Variants in CDH13 observed in about 807,000 individuals in gnomAD.
CDH13 encodes the protein cadherin 13.
In CDH13, 24 loss-of-function variants were observed where a neutral mutation model predicts 63.8. That is an observed-to-expected ratio of 0.38 (90% confidence interval 0.27 to 0.53). CDH13 has a LOEUF of 0.53. CDH13 is among the 20% of genes least tolerant of loss of function. CDH13 has a pLI of 0.85. For missense variants in CDH13, 1,049 were observed against 903.1 expected, an observed-to-expected ratio of 1.16 and a Z score of -2.07; for synonymous variants, 503 against 355.3, an observed-to-expected ratio of 1.42 and a Z score of -4.67.
At chr16:83,551,349 G>C (rs1207141345) in intron 7 of CDH13, among the ~76,000 whole-genome samples, 1 of 141,308 alleles carries the variant, frequency 7.1e-6, no homozygotes, top group Non-Finnish European at 1.6e-5. Flanking sequence ...TTACAGGCAT[G>C]AGTCACCGCC....
intron 5 of CDH13, among the ~76,000 whole-genome samples, chr16:83,288,150 T>G (rs969237173): frequency 1.3e-5 from 2 of 152,178 alleles, no homozygotes; most frequent in Non-Finnish European, 2.9e-5. Flanking sequence ...GTACATATCT[T>G]GATTACTGAG....
intron 1 of CDH13, among the ~76,000 whole-genome samples, chr16:82,682,258 C>G (rs1192229141): frequency 6.6e-6 from 1 of 152,132 alleles, no homozygotes; most frequent in Non-Finnish European, 1.5e-5. Context: ...ATTCCCAGGC[C>G]CCACCCATCA....
At chr16:83,055,612 C>T (rs1022209937) in intron 3 of CDH13, among the ~76,000 whole-genome samples, 10 of 151,908 alleles carry the variant, frequency 6.6e-5, no homozygotes, top group African/African-American at 1.2e-4. Flanking sequence ...AATGAAAACT[C>T]TGTAGCCTAA....
intron 4 of CDH13, among the ~76,000 whole-genome samples, chr16:83,190,676 C>T (rs1250337802): frequency 6.6e-6 from 1 of 152,140 alleles, no homozygotes; most frequent in Non-Finnish European, 1.5e-5. Flanking sequence ...GGAGAAATAG[C>T]CCCAAGTGCT....
chr16:83,412,055 A>G (rs1006165214), intron 6 of CDH13, among the ~76,000 whole-genome samples: 3 of 152,200 alleles, frequency 2.0e-5, no homozygotes, highest in Admixed American at 1.3e-4. Flanking sequence ...AGGCAAGGAG[A>G]GCCACAAGCT....
chr16:82,700,931 GC>G (rs1490363608), intron 1 of CDH13, among the ~76,000 whole-genome samples: 4 of 122,428 alleles, frequency 3.3e-5, no homozygotes, highest in African/African-American at 1.2e-4. Context: ...TGCATTACGT[GC>G]ACCATTGTAA....
intron 1 of CDH13, among the ~76,000 whole-genome samples, chr16:82,666,193 G>T (rs528231777): frequency 1.4e-4 from 21 of 152,272 alleles, no homozygotes; most frequent in African/African-American, 5.1e-4. Context: ...GTTGGGATGT[G>T]TTTATCCTTA....
intron 1 of CDH13, among the ~76,000 whole-genome samples, chr16:82,703,388 G>A (rs575874781): frequency 6.6e-6 from 1 of 152,188 alleles, no homozygotes; most frequent in African/African-American, 2.4e-5. Flanking sequence ...AGCATGGCAG[G>A]CCAGAAGTTC....
rs1009034935 is a variant in CDH13 at position 83,349,096 on chromosome 16, G to A, written c.781+4090G>A. 3.3e-5 allele frequency among the ~76,000 whole-genome samples: 5 copies of A among 152,168 alleles called. No individual in the cohort carries two copies. The East Asian group carries it at 5.8e-4, about 18-fold the overall frequency. On this transcript the variant is annotated intron_variant, in intron 6 of 13. Coordinates refer to ENST00000567109, the MANE Select transcript of CDH13 (RefSeq NM_001257.5). ...TTCCGGCTGCTCAGCACTGAACTCC[G>A]GGGTATTGTTTTGGTGAATCATTCC...
intron 4 of CDH13, among the ~76,000 whole-genome samples, chr16:83,165,821 AC>A (rs1239254771): frequency 6.6e-6 from 1 of 152,024 alleles, no homozygotes; most frequent in African/African-American, 2.4e-5. Context: ...AGGTCACCTT[AC>A]CTCTCCTTTT....
intron 2 of CDH13, among the ~76,000 whole-genome samples, chr16:82,929,962 A>C (rs950086580): frequency 6.6e-6 from 1 of 151,754 alleles, no homozygotes; most frequent in Non-Finnish European, 1.5e-5. Flanking sequence ...TGGCCACCGG[A>C]AGCCCCATGC....
chr16:83,361,461 T>A (rs748758582), intron 6 of CDH13, among the ~76,000 whole-genome samples: 1 of 152,232 alleles, frequency 6.6e-6, no homozygotes, highest in Non-Finnish European at 1.5e-5. Flanking sequence ...ATTTTTGTTT[T>A]CCTTGTGATT....
chr16:83,373,974 T>C (rs902215929), intron 6 of CDH13, among the ~76,000 whole-genome samples: 1 of 152,048 alleles, frequency 6.6e-6, no homozygotes, highest in East Asian at 1.9e-4. Context: ...CACCTTCTGA[T>C]CTCCAAACGC....
intron 1 of CDH13, among the ~76,000 whole-genome samples, chr16:82,752,514 G>T (rs2034459369): frequency 6.6e-6 from 1 of 152,234 alleles, no homozygotes; most frequent in Admixed American, 6.5e-5. Context: ...GTTGAGGCAA[G>T]TCTAAACTGA....
At chr16:82,914,300 A>G (rs902119681) in intron 2 of CDH13, among the ~76,000 whole-genome samples, 1 of 152,206 alleles carries the variant, frequency 6.6e-6, no homozygotes, top group East Asian at 1.9e-4. Flanking sequence ...TGTGTGTCCT[A>G]TAAACTATCA....
At chr16:82,779,558 C>T (rs12924379) in intron 1 of CDH13, among the ~76,000 whole-genome samples, 99,846 of 151,934 alleles carry the variant, frequency 0.66, 33,817 homozygotes, top group Middle Eastern at 0.79. Context: ...AGGGGCGGAG[C>T]GGGAGAAGGC....
At chr16:83,608,453 C>G (rs886716690) in intron 8 of CDH13, among the ~76,000 whole-genome samples, 2 of 152,086 alleles carry the variant, frequency 1.3e-5, no homozygotes, top group African/African-American at 4.8e-5. Context: ...CATGGTGCCT[C>G]AAGTATCTTC....
chr16:83,280,597 G>A (rs2089140386), intron 5 of CDH13, among the ~76,000 whole-genome samples: 1 of 152,160 alleles, frequency 6.6e-6, no homozygotes, highest in Non-Finnish European at 1.5e-5. Context: ...GTTCTTAATG[G>A]CATCTAGAAC....
intron 10 of CDH13, among the ~76,000 whole-genome samples, chr16:83,697,357 G>T (rs1053294939): frequency 1.3e-5 from 2 of 152,148 alleles, no homozygotes; most frequent in Non-Finnish European, 2.9e-5. Context: ...TGCACGTTTT[G>T]TTCGCAATTT....
Sources: allele counts gnomAD v4.1 joint callset (sites outside exome capture counted in the v4.1 genomes callset), GRCh38; gene constraint gnomAD v4.1.1; transcripts MANE v1.5; gene names NCBI Gene and HGNC (gene_info 2026-07-23, HGNC 2026-07-21).